Variants in TAF4B observed in about 807,000 individuals in gnomAD.
TAF4B encodes TATA-box binding protein associated factor 4b.
In TAF4B, 38 loss-of-function variants were observed where a neutral mutation model predicts 86.4. The ratio of observed to expected loss-of-function variants is 0.44; its 90% confidence interval spans 0.34 to 0.58. The LOEUF is 0.58. TAF4B is among the 20% of genes least tolerant of loss of function. The pLI is 0.02. For synonymous variants in TAF4B, 388 were observed against 391.2 expected (o/e 0.99, Z 0.10); for missense variants, 988 against 1,027.6 (o/e 0.96, Z 0.53).
chr18:26,303,192 A>T (rs1312537515), intron 9 of TAF4B, among the ~76,000 whole-genome samples: 2 of 77,848 alleles, frequency 2.6e-5, no homozygotes, highest in Non-Finnish European at 4.8e-5. Flanking sequence ...CTCCACTTTC[A>T]TACCCCCTCC....
chr18:26,315,970 A>G (rs1257537628), intron 10 of TAF4B, among the ~76,000 whole-genome samples: 2 of 152,156 alleles, frequency 1.3e-5, no homozygotes, highest in Non-Finnish European at 2.9e-5. Context: ...TCGAAGGCCA[A>G]GGTGGGCAGA....
chr18:26,289,694 G>A (rs1265768852), intron 7 of TAF4B, among the ~76,000 whole-genome samples: 1 of 152,114 alleles, frequency 6.6e-6, no homozygotes, highest in African/African-American at 2.4e-5. Flanking sequence ...TCGCTGTGTT[G>A]CCCAGGCTAG....
In TAF4B at chr18:26,352,091, C is replaced by T. The variant is rs145493382; in HGVS notation, c.2317-5599C>T. ...AAAATGTTAAAAAGTTCAAATAATT[C>T]CAAGTAGAAAAAGGGAAACAGAGAA... On this transcript the variant is annotated intron_variant, in intron 13 of 14. Transcript: ENST00000269142. 2.0e-3 allele frequency among the ~76,000 whole-genome samples: 300 copies of T among 151,790 alleles called. 1 individual carries two copies. Among genetic ancestry groups the T allele is most frequent in the African/African-American group, 7.1e-3 (293 of 41,388 alleles).
intron 13 of TAF4B, among the ~76,000 whole-genome samples, chr18:26,354,266 G>T (rs1021738284): frequency 6.6e-6 from 1 of 152,150 alleles, no homozygotes; most frequent in Non-Finnish European, 1.5e-5. Flanking sequence ...TAGAGACGGG[G>T]TTTCACCCTG....
At chr18:26,339,119 G>A (rs529374947) in intron 13 of TAF4B, among the ~76,000 whole-genome samples, 3 of 152,050 alleles carry the variant, frequency 2.0e-5, no homozygotes, top group African/African-American at 2.4e-5. Context: ...TTCAACTTAC[G>A]GGCTGTCTTC....
Position 26,294,369 on chromosome 18 carries a change from AT to A in TAF4B, c.1832+839del, listed in dbSNP as rs1352260507. 3.3e-5 allele frequency among the ~76,000 whole-genome samples: 5 copies of A among 152,064 alleles called. No individual in the cohort carries two copies. The East Asian group carries it at 9.6e-4, about 29-fold the overall frequency. ...TGTGGTTTTAGTTTGCATTTTTCTA[AT>A]GGCTAAAGATGCTGATCATCTATTT... On this transcript the variant is annotated intron_variant, in intron 9 of 14. Coordinates refer to ENST00000269142, the MANE Select transcript of TAF4B (RefSeq NM_005640.3).
At chr18:26,335,116 G>A in intron 12 of TAF4B, 59 bp from the exon 13 acceptor site, 1 of 1,170,938 alleles carries the variant, frequency 8.5e-7, no homozygotes, top group Admixed American at 2.1e-5. Flanking sequence ...AATATTTAAT[G>A]GCAACTATGG....
chr18:26,302,364 A>C (rs977264733), intron 9 of TAF4B, among the ~76,000 whole-genome samples: 1 of 118,594 alleles, frequency 8.4e-6, no homozygotes, highest in African/African-American at 3.2e-5. Flanking sequence ...TTGAAGTTTC[A>C]TATTAAATTT....
intron 10 of TAF4B, among the ~76,000 whole-genome samples, chr18:26,320,666 C>A (rs1359267165): frequency 6.6e-6 from 1 of 152,082 alleles, no homozygotes; most frequent in Non-Finnish European, 1.5e-5. Context: ...AAATAAATGT[C>A]ATAAATTGTT....
chr18:26,377,692 G>A (rs1318878543), intron 14 of TAF4B, among the ~76,000 whole-genome samples: 6 of 152,288 alleles, frequency 3.9e-5, no homozygotes, highest in African/African-American at 1.4e-4. Context: ...TTTTAACCCA[G>A]TATTATACGT....
chr18:26,242,104 C>G (rs950006973), intron 1 of TAF4B, among the ~76,000 whole-genome samples: 3 of 152,146 alleles, frequency 2.0e-5, no homozygotes, highest in African/African-American at 7.2e-5. Context: ...ATTAGGCCTG[C>G]TTGGTGCAGA....
intron 1 of TAF4B, among the ~76,000 whole-genome samples, chr18:26,237,009 G>A (rs536983490): frequency 6.6e-6 from 1 of 152,242 alleles, no homozygotes; most frequent in East Asian, 1.9e-4. Flanking sequence ...CTGAGTTATG[G>A]TGGACATCAT....
chr18:26,336,233 TTG>T (rs376496613), intron 13 of TAF4B, among the ~76,000 whole-genome samples: 1 of 152,354 alleles, frequency 6.6e-6, no homozygotes, highest in East Asian at 1.9e-4. Context: ...TTAAGGATCT[TTG>T]TGCTAAATAA....
At chr18:26,241,255 T>A (rs2055834265) in intron 1 of TAF4B, among the ~76,000 whole-genome samples, 1 of 152,232 alleles carries the variant, frequency 6.6e-6, no homozygotes, top group African/African-American at 2.4e-5. Context: ...ATTGCCTCAA[T>A]TTCAGAGCCT....
At chr18:26,328,304 C>T (rs990580264) in intron 12 of TAF4B, among the ~76,000 whole-genome samples, 3 of 151,904 alleles carry the variant, frequency 2.0e-5, no homozygotes, top group African/African-American at 7.3e-5. Context: ...CAAATATTAG[C>T]CGGGTGTGGT....
intron 1 of TAF4B, among the ~76,000 whole-genome samples, chr18:26,246,990 C>T (rs552246345): frequency 1.9e-4 from 29 of 152,230 alleles, no homozygotes; most frequent in South Asian, 8.3e-4. Flanking sequence ...CTCAGCCTCC[C>T]GAGTAGCTGG....
At chr18:26,383,272 G>A (rs1172517324) in intron 14 of TAF4B, among the ~76,000 whole-genome samples, 5 of 152,186 alleles carry the variant, frequency 3.3e-5, no homozygotes, top group Non-Finnish European at 7.3e-5. Context: ...TCACTGCAGT[G>A]TAAGCAATAT....
chr18:26,301,569 T>C (rs1490520745), intron 9 of TAF4B, among the ~76,000 whole-genome samples: 1 of 152,166 alleles, frequency 6.6e-6, no homozygotes, highest in Non-Finnish European at 1.5e-5. Flanking sequence ...GCTGGGATTA[T>C]AGACATGAGC....
At chr18:26,375,037 T>G (rs1035571585) in intron 14 of TAF4B, among the ~76,000 whole-genome samples, 3 of 152,180 alleles carry the variant, frequency 2.0e-5, no homozygotes, top group African/African-American at 7.2e-5. Flanking sequence ...AACATTTTCA[T>G]TACCCTACAA....
Sources: gnomAD v4.1 joint callset for allele counts (sites outside exome capture counted in the v4.1 genomes callset) on GRCh38, gnomAD v4.1.1 for gene constraint, MANE v1.5 for transcripts, NCBI Gene and HGNC (gene_info 2026-07-23, HGNC 2026-07-21) for gene names.